The following LEKR1 variants were observed in gnomAD, a reference collection of about 807,000 sequenced individuals.
The protein encoded by LEKR1 is protein LEKR1.
In LEKR1, 59 loss-of-function variants were observed where a neutral mutation model predicts 72.4. The observed-to-expected ratio is 0.82, with a 90% CI of 0.66 to 1.01. The LOEUF is 1.01. LEKR1 is among the 50% of genes least tolerant of loss of function. LEKR1 has a pLI of 0.00. For synonymous variants in LEKR1, 257 were observed against 263.2 expected, an observed-to-expected ratio of 0.98 and a Z score of 0.23; for missense variants, 728 against 759.2, an observed-to-expected ratio of 0.96 and a Z score of 0.48.
chr3:157,025,424 C>T (rs939963646), intron 11 of LEKR1, among the ~76,000 whole-genome samples: 1 of 151,960 alleles, frequency 6.6e-6, no homozygotes, highest in South Asian at 2.1e-4. Context: ...TAAGGTTTTC[C>T]TGTTTTTATA....
At chr3:156,941,050 T>A (rs1473129120) in intron 5 of LEKR1, among the ~76,000 whole-genome samples, 1 of 152,078 alleles carries the variant, frequency 6.6e-6, no homozygotes, top group African/African-American at 2.4e-5. Flanking sequence ...TCCATTCTTT[T>A]AAAAATTTTA....
At chr3:156,848,694 TATGAC>T (rs1714935408) in intron 2 of LEKR1, among the ~76,000 whole-genome samples, 1 of 152,180 alleles carries the variant, frequency 6.6e-6, no homozygotes, top group East Asian at 1.9e-4. Flanking sequence ...ACCAATGTGA[TATGAC>T]ATGCTGTGGA....
In LEKR1 at chr3:156,914,158, T is replaced by A. The variant is rs924788101; in HGVS notation, c.264-6417T>A. ...AAATTTTCTCAATTCTTTAAAAAAATTTTTTACTGTCATTTAAAAAAATAT... is the reference window on the plus strand; with the variant it reads ...AAATTTTCTCAATTCTTTAAAAAAAATTTTTACTGTCATTTAAAAAAATAT... On this transcript the variant is annotated intron_variant, in intron 3 of 12. Coordinates refer to ENST00000356539, the MANE Select transcript of LEKR1 (RefSeq NM_001004316.3). Among the ~76,000 whole-genome samples, 13 of 152,278 alleles carry A rather than the reference T, an allele frequency of 8.5e-5. No individual in the cohort carries two copies. In the South Asian group the frequency reaches 1.7e-3, roughly 19 times the overall value.
At chr3:156,964,508 C>CT (rs1419637296) in intron 6 of LEKR1, among the ~76,000 whole-genome samples, 1 of 151,960 alleles carries the variant, frequency 6.6e-6, no homozygotes, top group African/African-American at 2.4e-5. Flanking sequence ...TGTTTTGTTG[C>CT]TTTTTACTTT....
At chr3:156,909,654 T>TG (rs1722913467) in intron 3 of LEKR1, among the ~76,000 whole-genome samples, 1 of 31,722 alleles carries the variant, frequency 3.2e-5, no homozygotes, top group Non-Finnish European at 5.5e-5. Context: ...AGAGTCTGTC[T>TG]CAAAAAAAAA....
intron 2 of LEKR1, among the ~76,000 whole-genome samples, chr3:156,831,652 T>G (rs1440846043): frequency 2.0e-5 from 3 of 152,192 alleles, no homozygotes; most frequent in Admixed American, 6.5e-5. Context: ...ACAGAACTTG[T>G]GCAGGGGCGC....
chr3:156,997,095 C>A (rs1296888392), intron 9 of LEKR1, among the ~76,000 whole-genome samples: 1 of 151,374 alleles, frequency 6.6e-6, no homozygotes, highest in African/African-American at 2.4e-5. Context: ...TTCTGAAGAA[C>A]AAATGGCCTT....
At chr3:157,037,969 GAAAC>G (rs1735082518) in intron 12 of LEKR1, among the ~76,000 whole-genome samples, 1 of 152,182 alleles carries the variant, frequency 6.6e-6, no homozygotes, top group Admixed American at 6.5e-5. Flanking sequence ...GATAGTGATA[GAAAC>G]CAAGGTTGAA....
intron 3 of LEKR1, among the ~76,000 whole-genome samples, chr3:156,885,826 G>A (rs951943987): frequency 6.6e-6 from 1 of 152,232 alleles, no homozygotes; most frequent in Non-Finnish European, 1.5e-5. Context: ...GAATTAGATT[G>A]CCTTCCCTTT....
chr3:156,969,129 G>A (rs967462663), intron 6 of LEKR1, among the ~76,000 whole-genome samples: 2 of 152,076 alleles, frequency 1.3e-5, no homozygotes, highest in African/African-American at 4.8e-5. Context: ...TCAAAGCAGT[G>A]TGTAGAGGGA....
At chr3:156,989,401 A>G (rs1188537810) in intron 7 of LEKR1, among the ~76,000 whole-genome samples, 2 of 152,172 alleles carry the variant, frequency 1.3e-5, no homozygotes, top group Non-Finnish European at 2.9e-5. Context: ...AATATTTTTA[A>G]GGCTTTTAAT....
intron 12 of LEKR1, among the ~76,000 whole-genome samples, chr3:157,029,291 G>A (rs902762946): frequency 2.0e-5 from 3 of 151,996 alleles, no homozygotes; most frequent in Non-Finnish European, 1.5e-5. Context: ...CTATTACAAA[G>A]AAGTTATAAA....
chr3:156,914,762 A>G lies in LEKR1; in HGVS notation c.264-5813A>G, dbSNP rs535971794. Among the ~76,000 whole-genome samples the G allele has an allele frequency of 3.9e-5, 6 of 152,076 alleles. No homozygotes were observed. In the South Asian group the frequency reaches 1.3e-3, roughly 32 times the overall value. On this transcript the variant is annotated intron_variant, in intron 3 of 12. Transcript: ENST00000356539. ...ATTAGCTTGTTGTAGAAACCAGTCC[A>G]GTTGTGCTTCTAGTACCTCATTTTT... is the stretch of plus-strand genomic sequence containing the variant.
At chr3:156,844,194 A>G (rs1302964370) in intron 2 of LEKR1, among the ~76,000 whole-genome samples, 1 of 152,108 alleles carries the variant, frequency 6.6e-6, no homozygotes, top group Non-Finnish European at 1.5e-5. Flanking sequence ...TAAAGCCAAC[A>G]TTTCTGATAT....
At chr3:157,041,728 G>A (rs1735358478) in intron 12 of LEKR1, among the ~76,000 whole-genome samples, 1 of 151,792 alleles carries the variant, frequency 6.6e-6, no homozygotes, top group Non-Finnish European at 1.5e-5. Context: ...TTAAAATATG[G>A]CCAAAGATAA....
intron 3 of LEKR1, among the ~76,000 whole-genome samples, chr3:156,911,106 A>C (rs62275767): frequency 0.032 from 4,832 of 151,678 alleles, 116 homozygotes; most frequent in Non-Finnish European, 0.047. Flanking sequence ...ACATTTTTTC[A>C]TATGTTTGTT....
intron 5 of LEKR1, among the ~76,000 whole-genome samples, chr3:156,929,729 A>G (rs1023401005): frequency 6.6e-6 from 1 of 152,174 alleles, no homozygotes; most frequent in Non-Finnish European, 1.5e-5. Context: ...CCATAAAGAC[A>G]GGACTACAAT....
intron 6 of LEKR1, among the ~76,000 whole-genome samples, chr3:156,960,507 A>G (rs544460628): frequency 1.3e-5 from 2 of 152,266 alleles, no homozygotes; most frequent in East Asian, 3.9e-4. Context: ...GCTGGTCTCA[A>G]ACTCCTGACT....
chr3:156,874,939 A>T (rs778337429), intron 3 of LEKR1, among the ~76,000 whole-genome samples: 1 of 152,084 alleles, frequency 6.6e-6, no homozygotes, highest in Non-Finnish European at 1.5e-5. Flanking sequence ...TTGTTGGTTG[A>T]TGGGTATTTA....
Sources: gnomAD v4.1 joint callset for allele counts (sites outside exome capture counted in the v4.1 genomes callset) on GRCh38, gnomAD v4.1.1 for gene constraint, MANE v1.5 for transcripts, NCBI Gene and HGNC (gene_info 2026-07-23, HGNC 2026-07-21) for gene names.